NPAS3: variants seen among roughly 807,000 people sequenced by gnomAD.
NPAS3 encodes neuronal PAS domain protein 3, also known as neuronal PAS domain-containing protein 3.
NPAS3 carries 14 observed loss-of-function variants against 73.1 expected under a neutral mutation model. The observed-to-expected ratio is 0.19, with a 90% CI of 0.13 to 0.30. The LOEUF is 0.30. Among genes scored for constraint, NPAS3 ranks in the 10% least tolerant of loss-of-function variants. The pLI is 1.00. For missense variants in NPAS3, 1,096 were observed against 1,250.0 expected (o/e 0.88, Z 1.86); for synonymous variants, 620 against 541.5 (o/e 1.14, Z -2.01).
At chr14:33,694,439 C>A (rs191567215) in intron 6 of NPAS3, among the ~76,000 whole-genome samples, 2 of 152,088 alleles carry the variant, frequency 1.3e-5, no homozygotes, top group African/African-American at 4.8e-5. Context: ...TAGGAAGGAA[C>A]CTGCGTATAA....
intron 4 of NPAS3, among the ~76,000 whole-genome samples, chr14:33,409,158 G>A (rs1199434591): frequency 6.6e-6 from 1 of 152,158 alleles, no homozygotes; most frequent in East Asian, 1.9e-4. Context: ...CAGGTGATAT[G>A]TTTAAAAAGT....
intron 1 of NPAS3, among the ~76,000 whole-genome samples, chr14:32,947,690 T>C (rs1192738940): frequency 6.6e-6 from 1 of 152,134 alleles, no homozygotes; most frequent in African/African-American, 2.4e-5. Flanking sequence ...TACAAAGATA[T>C]CTTGAACATT....
At chr14:33,300,859 C>A (rs1226939856) in intron 3 of NPAS3, among the ~76,000 whole-genome samples, 1 of 152,102 alleles carries the variant, frequency 6.6e-6, no homozygotes, top group African/African-American at 2.4e-5. Flanking sequence ...CTCTAAGCTG[C>A]CCTGGCTCAG....
intron 4 of NPAS3, among the ~76,000 whole-genome samples, chr14:33,408,244 C>T (rs1031183715): frequency 1.3e-5 from 2 of 152,080 alleles, no homozygotes; most frequent in Admixed American, 1.3e-4. Context: ...GTCTTTATGA[C>T]TATACATTTA....
intron 6 of NPAS3, among the ~76,000 whole-genome samples, chr14:33,706,872 G>T (rs1018463499): frequency 1.3e-5 from 2 of 152,124 alleles, no homozygotes; most frequent in African/African-American, 2.4e-5. Context: ...TAACCTCAAA[G>T]AAGGAAACAA....
intron 6 of NPAS3, among the ~76,000 whole-genome samples, chr14:33,708,080 G>A (rs1423313084): frequency 6.6e-6 from 1 of 152,020 alleles, no homozygotes; most frequent in African/African-American, 2.4e-5. Context: ...CAAAAAAGCA[G>A]CAGCAGCAGC....
At chr14:33,674,486 A>G (rs1463858621) in intron 5 of NPAS3, among the ~76,000 whole-genome samples, 2 of 152,204 alleles carry the variant, frequency 1.3e-5, no homozygotes, top group African/African-American at 4.8e-5. Context: ...TAATTGCTCA[A>G]AGTCAGTTTA....
chr14:33,727,686 T>C (rs987032508), intron 6 of NPAS3, among the ~76,000 whole-genome samples: 2 of 151,962 alleles, frequency 1.3e-5, no homozygotes, highest in Non-Finnish European at 2.9e-5. Flanking sequence ...CTCAATGTTA[T>C]TGACTGTGTT....
intron 1 of NPAS3, among the ~76,000 whole-genome samples, chr14:33,018,861 G>A (rs1358547738): frequency 1.3e-5 from 2 of 151,992 alleles, no homozygotes; most frequent in East Asian, 1.9e-4. Flanking sequence ...TTAAGAAGGT[G>A]ACATTTCTTT....
chr14:33,051,781 A>G (rs989166479), intron 1 of NPAS3, among the ~76,000 whole-genome samples: 1 of 152,142 alleles, frequency 6.6e-6, no homozygotes, highest in Non-Finnish European at 1.5e-5. Flanking sequence ...TGTGTGTGAG[A>G]TGGAGTCTTG....
intron 2 of NPAS3, among the ~76,000 whole-genome samples, chr14:33,149,597 A>G (rs2044371563): frequency 1.3e-5 from 2 of 152,180 alleles, no homozygotes; most frequent in East Asian, 1.9e-4. Flanking sequence ...AAATTGGCTT[A>G]CTTACTTATG....
intron 4 of NPAS3, among the ~76,000 whole-genome samples, chr14:33,403,734 G>T (rs746381590): frequency 7.9e-5 from 12 of 152,078 alleles, no homozygotes; most frequent in Middle Eastern, 3.4e-3. Context: ...TTAACTGCAG[G>T]ACATACCTTC....
At chr14:32,976,661 A>G (rs1595135011) in intron 1 of NPAS3, among the ~76,000 whole-genome samples, 1 of 152,200 alleles carries the variant, frequency 6.6e-6, no homozygotes, top group African/African-American at 2.4e-5. Context: ...TCATTTAGGT[A>G]TCAACATTAG....
intron 8 of NPAS3, among the ~76,000 whole-genome samples, chr14:33,775,738 G>C (rs899557970): frequency 6.6e-6 from 1 of 152,186 alleles, no homozygotes; most frequent in African/African-American, 2.4e-5. Flanking sequence ...GTTTATGATC[G>C]TGACATCGTG....
At chr14:33,433,365 T>C (rs759507583) in intron 4 of NPAS3, among the ~76,000 whole-genome samples, 14 of 152,206 alleles carry the variant, frequency 9.2e-5, no homozygotes, top group Non-Finnish European at 1.8e-4. Context: ...CCACACAGCA[T>C]CATAAAGCAA....
At chr14:33,031,269 G>A (rs755553056) in intron 1 of NPAS3, among the ~76,000 whole-genome samples, 2 of 152,058 alleles carry the variant, frequency 1.3e-5, no homozygotes, top group Non-Finnish European at 2.9e-5. Context: ...ACAACTTCAT[G>A]GATATTAATT....
chr14:33,442,372 G>A (rs930380687), intron 4 of NPAS3, among the ~76,000 whole-genome samples: 1 of 151,710 alleles, frequency 6.6e-6, no homozygotes, highest in Non-Finnish European at 1.5e-5. Flanking sequence ...TGAGCCCAGG[G>A]GTTGGAATCC....
At chr14:33,745,584 C>T (rs1437237486) in intron 7 of NPAS3, among the ~76,000 whole-genome samples, 4 of 152,182 alleles carry the variant, frequency 2.6e-5, no homozygotes, top group Non-Finnish European at 5.9e-5. Context: ...TCCATGTCTA[C>T]ATGTGAAATT....
chr14:33,015,121 CA>C (rs1426695909), intron 1 of NPAS3, among the ~76,000 whole-genome samples: 41 of 152,212 alleles, frequency 2.7e-4, no homozygotes, highest in African/African-American at 7.7e-4. Context: ...TCTTTGAAGC[CA>C]GGGGGTGCTA....
Sources: gnomAD v4.1 joint callset for allele counts (sites outside exome capture counted in the v4.1 genomes callset) on GRCh38, gnomAD v4.1.1 for gene constraint, MANE v1.5 for transcripts, NCBI Gene and HGNC (gene_info 2026-07-23, HGNC 2026-07-21) for gene names.